ECE1: variants seen among roughly 807,000 people sequenced by gnomAD.
ECE1 encodes endothelin-converting enzyme 1.
In ECE1, 35 loss-of-function variants were observed where a neutral mutation model predicts 98.6. The ratio of observed to expected loss-of-function variants is 0.35; its 90% confidence interval spans 0.27 to 0.47. The LOEUF (loss-of-function observed/expected upper bound fraction) is 0.47. ECE1 is among the 20% of genes least tolerant of loss of function. The probability of loss-of-function intolerance (pLI) is 1.00; values close to 1 mark genes in which losing one functional copy is unlikely to be tolerated. For synonymous variants in ECE1, 394 were observed against 407.1 expected (o/e 0.97, Z 0.39); for missense variants, 814 against 1,025.3 (o/e 0.79, Z 2.81).
intron 1 of ECE1, among the ~76,000 whole-genome samples, chr1:21,311,299 C>G (rs1638717066): frequency 6.6e-6 from 1 of 152,038 alleles, no homozygotes; most frequent in South Asian, 2.1e-4. Flanking sequence ...CATCTGTGCC[C>G]TCCTCTGTCC....
intron 7 of ECE1, 83 bp downstream of exon 7, chr1:21,257,442 A>G: frequency 2.0e-6 from 3 of 1,512,508 alleles, no homozygotes; most frequent in Non-Finnish European, 2.7e-6. Flanking sequence ...CCTAGCTTCA[A>G]AGACCTGCAC....
intron 1 of ECE1, among the ~76,000 whole-genome samples, chr1:21,303,461 A>G (rs1426845190): frequency 1.3e-5 from 2 of 152,234 alleles, no homozygotes; most frequent in African/African-American, 4.8e-5. Context: ...ATCTATTAAT[A>G]AATTGTTACA....
At chr1:21,234,557 C>T (rs761570885) in intron 13 of ECE1, among the ~76,000 whole-genome samples, 6 of 151,974 alleles carry the variant, frequency 3.9e-5, no homozygotes, top group Non-Finnish European at 8.8e-5. Flanking sequence ...CAGCTTGCTG[C>T]AGCCTTGTCT....
At chr1:21,237,923 A>G (rs1210329793) in intron 11 of ECE1, among the ~76,000 whole-genome samples, 1 of 152,226 alleles carries the variant, frequency 6.6e-6, no homozygotes, top group African/African-American at 2.4e-5. Context: ...GAGCTCGTGC[A>G]GATAAGGGCC....
chr1:21,329,087 T>C (rs530803087), intron 1 of ECE1, among the ~76,000 whole-genome samples: 5 of 152,180 alleles, frequency 3.3e-5, no homozygotes, highest in African/African-American at 7.2e-5. Context: ...CAGGATAGTG[T>C]TGGACCCAGA....
intron 3 of ECE1, among the ~76,000 whole-genome samples, chr1:21,273,319 G>A (rs934379823): frequency 6.6e-5 from 10 of 151,228 alleles, no homozygotes; most frequent in South Asian, 4.2e-4. Flanking sequence ...GTGCACCTGC[G>A]TGAAAGTGTG....
At chr1:21,325,662 A>C (rs1020842613) in intron 1 of ECE1, among the ~76,000 whole-genome samples, 4 of 152,250 alleles carry the variant, frequency 2.6e-5, no homozygotes, top group African/African-American at 9.6e-5. Flanking sequence ...ATGGGGACAC[A>C]ATAGGACCCA....
chr1:21,222,703 G>A (rs2098168999), intron 17 of ECE1, among the ~76,000 whole-genome samples: 1 of 151,724 alleles, frequency 6.6e-6, no homozygotes, highest in Non-Finnish European at 1.5e-5. Context: ...TAGCCGAGGT[G>A]CGGTGGCACA....
chr1:21,250,613 T>C (rs2098211380), intron 8 of ECE1, among the ~76,000 whole-genome samples: 1 of 152,178 alleles, frequency 6.6e-6, no homozygotes, highest in Non-Finnish European at 1.5e-5. Context: ...GAAAAATCAA[T>C]CAATAAAGTA....
chr1:21,257,682 C>G, intron 6 of ECE1, 92 bp from the exon 7 acceptor site: 1 of 1,343,400 alleles, frequency 7.4e-7, no homozygotes, highest in Non-Finnish European at 1.1e-6. Flanking sequence ...TGGCACATGG[C>G]AGCAGAGGCC....
At position 21,233,730 on chromosome 1, in the gene ECE1, C is replaced by G; in HGVS notation, c.1567-69G>C. The stretch of plus-strand genomic sequence containing the variant: ...GTGTGCATCTTCCAAGACAGGAAGC[C>G]AAGGGCTGTCATGGTTAAGAGATTA... On this transcript the variant is annotated intron_variant, in intron 13 of 18. Coordinates refer to ENST00000374893, the MANE Select transcript of ECE1 (RefSeq NM_001397.3). The surrounding 1 kb of genome is among the most constrained non-coding windows in gnomAD (Gnocchi z 4.0). The G allele has an allele frequency of 7.0e-7, 1 of 1,427,502 alleles. No individual in the cohort carries two copies. Among genetic ancestry groups the G allele is most frequent in the South Asian group, 1.2e-5 (1 of 85,862 alleles). 88.4% of individuals were successfully genotyped at this position (1,427,502 alleles called of 1,614,324 possible).
At chr1:21,234,112 A>G (rs1449235662) in intron 13 of ECE1, among the ~76,000 whole-genome samples, 1 of 151,588 alleles carries the variant, frequency 6.6e-6, no homozygotes, top group Non-Finnish European at 1.5e-5. Flanking sequence ...TCAGCCTCCC[A>G]GAGTAGCTGG....
Position 21,274,742 on chromosome 1 carries a change from A to G in ECE1, c.281-1831T>C, listed in dbSNP as rs148450815. On this transcript the variant is annotated intron_variant, in intron 3 of 18. Transcript: ENST00000374893. ...GGGTGGCTGACAAAGGGCTCAGAGC[A>G]GCTGCACAACAGCAGGAAAATCAGG... is the stretch of plus-strand genomic sequence containing the variant. Among the ~76,000 whole-genome samples the G allele has an allele frequency of 2.0e-5, 3 of 152,344 alleles. No homozygotes were observed. In the East Asian group the frequency reaches 5.8e-4, roughly 29 times the overall value.
At position 21,218,363 on chromosome 1, in the gene ECE1, G is replaced by A. The variant is rs760540770; in HGVS notation, c.*1592C>T. 4 of 152,442 alleles carry A rather than the reference G, an allele frequency of 2.6e-5. No individual in the cohort carries two copies. Among genetic ancestry groups the A allele is most frequent in the Non-Finnish European group, 4.4e-5 (3 of 68,216 alleles). 9.4% of individuals were successfully genotyped at this position (152,442 alleles called of 1,614,324 possible). A position where few individuals can be genotyped will look rare whatever the true frequency, so the allele number is the denominator to read the frequency against. ...GGAGGTTAGCCCTGCAGGCACCGGG[G>A]AAATGGGGCTATGGCCTGTGCTTCA... On this transcript the variant is annotated 3_prime_UTR_variant, in exon 19 of 19. Coordinates refer to ENST00000374893, the MANE Select transcript of ECE1 (RefSeq NM_001397.3). The surrounding 1 kb of genome is among the most constrained non-coding windows in gnomAD (Gnocchi z 4.0).
rs1207317615 is a variant in ECE1, at chr1:21,236,821, A to T, written c.1413T>A (p.Ile471=). 2 of 1,613,132 alleles carry T rather than the reference A, an allele frequency of 1.2e-6. No homozygotes were observed. Among genetic ancestry groups the T allele is most frequent in the South Asian group, 2.2e-5 (2 of 91,048 alleles). The change falls in exon 12 of 19, where the codon ATT becomes ATA. Residue 471 remains isoleucine (I), a synonymous_variant. Transcript: ENST00000374893. The stretch of plus-strand genomic sequence containing the variant: ...TCAGGCTTTCCTCAAATGCCTTCTT[A>T]ATCTCCAGGATGATCTCGGTGGCCT... ...KSIATEIILE[I]KKAFEESLST...
chr1:21,279,369 G>C, intron 2 of ECE1, 37 bp from the exon 3 acceptor site: 1 of 1,613,838 alleles, frequency 6.2e-7, no homozygotes, highest in Non-Finnish European at 8.5e-7. Flanking sequence ...GGGAAGACGT[G>C]AGCCCCGGGC....
chr1:21,297,492 C>A (rs760853961), intron 1 of ECE1, among the ~76,000 whole-genome samples: 157 of 151,978 alleles, frequency 1.0e-3, no homozygotes, highest in Middle Eastern at 3.4e-3. Context: ...TCTTTCAGCT[C>A]CTGGCTAGCT....
Position 21,290,029 on chromosome 1 carries a change from C to A in ECE1, c.138+41G>T. On this transcript the variant is annotated intron_variant, in intron 2 of 18. Transcript: ENST00000374893. The surrounding 1 kb of genome is among the most constrained non-coding windows in gnomAD (Gnocchi z 7.3). ...GCAGCGGCAGCGCGCATGCCCGGGCCCGGGGCGCCTGGACCTCGGGAGGGA... is the reference window on the plus strand; with the variant it reads ...GCAGCGGCAGCGCGCATGCCCGGGCACGGGGCGCCTGGACCTCGGGAGGGA... 7.5e-7 allele frequency: 1 copy of A among 1,332,618 alleles called. No homozygotes were observed. The highest frequency in any genetic ancestry group is 1.9e-5 in the South Asian group (1 of 53,914). The allele number at this position is 1,332,618 out of a possible 1,614,324, so 82.5% of individuals were successfully genotyped here.
At chr1:21,286,981 T>C (rs1248266536) in intron 2 of ECE1, among the ~76,000 whole-genome samples, 1 of 150,798 alleles carries the variant, frequency 6.6e-6, no homozygotes, top group East Asian at 1.9e-4. Flanking sequence ...AGAATTTTGC[T>C]CTGGTTAAAT....
Sources: allele counts gnomAD v4.1 joint callset (sites outside exome capture counted in the v4.1 genomes callset), GRCh38; gene constraint gnomAD v4.1.1; non-coding constraint Gnocchi (gnomAD v3.1); transcripts MANE v1.5; gene names NCBI Gene and HGNC (gene_info 2026-07-23, HGNC 2026-07-21).